CACNB4: variants seen among roughly 807,000 people sequenced by gnomAD.
The protein encoded by CACNB4 is voltage-dependent L-type calcium channel subunit beta-4.
In CACNB4, 32 loss-of-function variants were observed where a neutral mutation model predicts 71.2. That is an observed-to-expected ratio of 0.45 (90% CI 0.34 to 0.60). The LOEUF (loss-of-function observed/expected upper bound fraction) is 0.60. CACNB4 is among the 20% of genes least tolerant of loss of function. The pLI is 0.01. For synonymous variants in CACNB4, 231 were observed against 236.9 expected, an observed-to-expected ratio of 0.97 and a Z score of 0.23; for missense variants, 464 against 647.9, an observed-to-expected ratio of 0.72 and a Z score of 3.08.
chr2:152,078,588 G>A (rs1431402225), intron 2 of CACNB4, among the ~76,000 whole-genome samples: 1 of 152,176 alleles, frequency 6.6e-6, no homozygotes, highest in Non-Finnish European at 1.5e-5. Flanking sequence ...ACAAAGTTCA[G>A]GCCAATGGAT....
chr2:152,035,554 C>T (rs939059892), intron 2 of CACNB4, among the ~76,000 whole-genome samples: 1 of 146,794 alleles, frequency 6.8e-6, no homozygotes, highest in Non-Finnish European at 1.5e-5. Flanking sequence ...AGCGAAACTC[C>T]GTCTCTCTCT....
In CACNB4 at chr2:151,876,081, C is replaced by A. The variant is rs72621649; in HGVS notation, c.521+345G>T. 5.0e-3 allele frequency among the ~76,000 whole-genome samples: 766 copies of A among 152,190 alleles called. 23 individuals are homozygous for A. In the East Asian group the frequency reaches 0.091, roughly 18 times the overall value. ...ATTTTGTGCCCACTTAAGGGAGAGT[C>A]TCTGTAAGCGAACCAAGAGGAGCCA... On this transcript the variant is annotated intron_variant, in intron 5 of 13. Transcript: ENST00000539935.
chr2:151,949,064 T>C (rs2099866265), intron 2 of CACNB4, among the ~76,000 whole-genome samples: 1 of 151,888 alleles, frequency 6.6e-6, no homozygotes, highest in African/African-American at 2.4e-5. Context: ...GCTTTCTTCT[T>C]TCCTCTTCTT....
intron 2 of CACNB4, among the ~76,000 whole-genome samples, chr2:152,081,955 C>A (rs992692091): frequency 1.3e-5 from 2 of 152,182 alleles, no homozygotes; most frequent in African/African-American, 4.8e-5. Flanking sequence ...CCTTGTGGTT[C>A]CACTCACCTT....
intron 2 of CACNB4, among the ~76,000 whole-genome samples, chr2:151,994,626 CTCAGCT>C (rs1263577601): frequency 6.6e-6 from 1 of 152,190 alleles, no homozygotes; most frequent in Admixed American, 6.5e-5. Flanking sequence ...ATTCTCGTGC[CTCAGCT>C]TCCCAAGGAG....
intron 10 of CACNB4, chr2:151,857,778 G>C (rs1048984328): frequency 1.2e-4 from 19 of 152,230 alleles, no homozygotes; most frequent in African/African-American, 4.3e-4. Flanking sequence ...CTGAGTTTCT[G>C]TGTAAATGAC....
At position 151,875,787 on chromosome 2, in the gene CACNB4, C is replaced by T. The variant is rs796890369; in HGVS notation, c.521+639G>A. Reference sequence around the variant, plus strand: ...TCACCTCCCGGACGGGGCGGCTGGCCGGGCAGGGGGCTGACCCCCCACCTC... The same window carrying T: ...TCACCTCCCGGACGGGGCGGCTGGCTGGGCAGGGGGCTGACCCCCCACCTC... On this transcript the variant is annotated intron_variant, in intron 5 of 13. Coordinates refer to ENST00000539935, the MANE Select transcript of CACNB4 (RefSeq NM_000726.5). 8.5e-3 allele frequency among the ~76,000 whole-genome samples: 807 copies of T among 94,664 alleles called. 55 individuals carry two copies. The highest frequency in any genetic ancestry group is 0.02 in the African/African-American group (392 of 19,142). 62.1% of individuals were successfully genotyped at this position (94,664 alleles called of 152,430 possible).
chr2:151,889,409 T>A (rs1175365201), intron 2 of CACNB4, among the ~76,000 whole-genome samples: 1 of 143,622 alleles, frequency 7.0e-6, no homozygotes, highest in Non-Finnish European at 1.5e-5. Flanking sequence ...GAGGTTGCAG[T>A]GAGCCGAGAT....
intron 2 of CACNB4, chr2:151,972,595 G>A (rs1450325806): frequency 6.6e-6 from 1 of 152,166 alleles, no homozygotes; most frequent in Admixed American, 6.5e-5. Context: ...AGACAGGAAG[G>A]AAAAATGGAA....
At chr2:152,027,852 C>A (rs560662423) in intron 2 of CACNB4, among the ~76,000 whole-genome samples, 17 of 76,218 alleles carry the variant, frequency 2.2e-4, no homozygotes, top group Middle Eastern at 9.1e-3. Flanking sequence ...GACTCCGTCT[C>A]AAAAAAAAAA....
intron 2 of CACNB4, among the ~76,000 whole-genome samples, chr2:151,964,069 GA>G (rs397825547): frequency 0.011 from 1,112 of 99,204 alleles, 9 homozygotes; most frequent in African/African-American, 0.043. Context: ...CTGTCTCACA[GA>G]AAAAAAAAAA....
In CACNB4 at chr2:151,937,259, A is replaced by G. The variant is rs7605453; in HGVS notation, c.148-53889T>C. 8.4e-3 allele frequency among the ~76,000 whole-genome samples: 1,275 copies of G among 152,280 alleles called. 14 individuals carry two copies. The highest frequency in any genetic ancestry group is 0.029 in the African/African-American group (1,195 of 41,544). On this transcript the variant is annotated intron_variant, in intron 2 of 13. Transcript: ENST00000539935. ...CTCCTTTCCAATCCCCCTCTCCATC[A>G]AATCTCTTTCTGCCAGTCCCAGGGT...
chr2:151,944,027 CT>C (rs377579759), intron 2 of CACNB4, among the ~76,000 whole-genome samples: 42,079 of 134,748 alleles, frequency 0.31, 6,449 homozygotes, highest in Admixed American at 0.42. Flanking sequence ...TACTTTCTTT[CT>C]TTTTTTTTTT....
chr2:151,940,244 C>A (rs1056444386), intron 2 of CACNB4, among the ~76,000 whole-genome samples: 1 of 152,120 alleles, frequency 6.6e-6, no homozygotes, highest in Non-Finnish European at 1.5e-5. Flanking sequence ...ACATGAGGTA[C>A]AAGGTGCTAA....
intron 2 of CACNB4, among the ~76,000 whole-genome samples, chr2:151,903,783 T>C (rs2099854069): frequency 6.6e-6 from 1 of 152,204 alleles, no homozygotes; most frequent in African/African-American, 2.4e-5. Context: ...GGAGACTGAC[T>C]CTTATTTAAA....
chr2:151,948,762 G>A (rs2099866187), intron 2 of CACNB4, among the ~76,000 whole-genome samples: 1 of 152,136 alleles, frequency 6.6e-6, no homozygotes, highest in Non-Finnish European at 1.5e-5. Flanking sequence ...TAGTTCCCCT[G>A]CCCCTGGCCA....
intron 2 of CACNB4, among the ~76,000 whole-genome samples, chr2:151,965,445 T>C (rs1403012864): frequency 6.6e-6 from 1 of 152,202 alleles, no homozygotes; most frequent in Non-Finnish European, 1.5e-5. Context: ...TTGATTGTAT[T>C]CCTGGGGTTT....
At chr2:151,976,901 C>T (rs1273114375) in intron 2 of CACNB4, among the ~76,000 whole-genome samples, 1 of 152,282 alleles carries the variant, frequency 6.6e-6, no homozygotes, top group East Asian at 1.9e-4. Flanking sequence ...AGTTCAAGTT[C>T]CTAGGGCCAA....
chr2:151,903,359 C>A (rs1482209216), intron 2 of CACNB4, among the ~76,000 whole-genome samples: 1 of 148,164 alleles, frequency 6.7e-6, no homozygotes, highest in African/African-American at 2.5e-5. Flanking sequence ...ACTAAAAATC[C>A]AAAAAAAAAA....
Sources: allele counts gnomAD v4.1 joint callset (sites outside exome capture counted in the v4.1 genomes callset), GRCh38; gene constraint gnomAD v4.1.1; transcripts MANE v1.5; gene names NCBI Gene and HGNC (gene_info 2026-07-23, HGNC 2026-07-21).